PRUNE2: variants seen among roughly 807,000 people sequenced by gnomAD.
PRUNE2 encodes the protein prune homolog 2 with BCH domain.
In PRUNE2, 164 loss-of-function variants were observed where a neutral mutation model predicts 252.0. The ratio of observed to expected loss-of-function variants is 0.65; its 90% CI spans 0.57 to 0.74. The LOEUF (loss-of-function observed/expected upper bound fraction) is 0.74. Among genes scored for constraint, PRUNE2 ranks in the 30% least tolerant of loss-of-function variants. PRUNE2 has a pLI of 0.00. For missense variants in PRUNE2, 3,495 were observed against 3,711.0 expected, an observed-to-expected ratio of 0.94 and a Z score of 1.51; for synonymous variants, 1,292 against 1,350.2, an observed-to-expected ratio of 0.96 and a Z score of 0.94.
intron 9 of PRUNE2, among the ~76,000 whole-genome samples, chr9:76,677,002 T>G (rs764828987): frequency 7.9e-5 from 12 of 152,248 alleles, no homozygotes; most frequent in Non-Finnish European, 1.6e-4. Context: ...GTCCGATCTG[T>G]GCAAACAGTG....
At chr9:76,762,069 C>T (rs529502383) in intron 6 of PRUNE2, among the ~76,000 whole-genome samples, 9 of 152,312 alleles carry the variant, frequency 5.9e-5, no homozygotes, top group South Asian at 2.1e-4. Context: ...GCCTCCAATG[C>T]ATCTGGTGCC....
intron 4 of PRUNE2, among the ~76,000 whole-genome samples, chr9:76,832,188 G>A (rs994938725): frequency 4.6e-5 from 7 of 151,986 alleles, no homozygotes; most frequent in African/African-American, 1.2e-4. Flanking sequence ...CACATCTCTC[G>A]CAGCAACTCT....
chr9:76,754,455 T>C (rs1203678132), intron 6 of PRUNE2, among the ~76,000 whole-genome samples: 1 of 152,212 alleles, frequency 6.6e-6, no homozygotes, highest in African/African-American at 2.4e-5. Context: ...TCCCTTTTTA[T>C]ATGGGCACGC....
Position 76,850,684 on chromosome 9 carries a change from A to C in PRUNE2, c.142-19T>G. ...GACTGACCTACCAAGAAAAAAGTTG[A>C]CTGAATTACTGAAAATAGCAGGAGG... On this transcript the variant is annotated intron_variant, in intron 2 of 18. Transcript: ENST00000376718. The C allele has an allele frequency of 6.5e-7, 1 of 1,539,136 alleles. No homozygotes were observed. Among genetic ancestry groups the C allele is most frequent in the Non-Finnish European group, 9.0e-7 (1 of 1,113,810 alleles).
At chr9:76,845,104 G>A (rs2059606226) in intron 4 of PRUNE2, among the ~76,000 whole-genome samples, 1 of 146,624 alleles carries the variant, frequency 6.8e-6, no homozygotes, top group South Asian at 2.2e-4. Context: ...CTAAAACCAA[G>A]ATAATTAACA....
intron 6 of PRUNE2, among the ~76,000 whole-genome samples, chr9:76,773,658 G>A (rs1416292734): frequency 6.6e-6 from 1 of 152,066 alleles, no homozygotes; most frequent in Non-Finnish European, 1.5e-5. Context: ...TGGCCAGGCT[G>A]GTCTCGAACT....
At chr9:76,622,187 A>G (rs1402463899) in intron 17 of PRUNE2, among the ~76,000 whole-genome samples, 1 of 152,200 alleles carries the variant, frequency 6.6e-6, no homozygotes, top group Admixed American at 6.5e-5. Context: ...AGCATCTACT[A>G]TGTACCAGGC....
At chr9:76,721,147 A>T (rs534636405) in intron 6 of PRUNE2, among the ~76,000 whole-genome samples, 1 of 152,340 alleles carries the variant, frequency 6.6e-6, no homozygotes, top group African/African-American at 2.4e-5. Context: ...TGTTTATCTC[A>T]TTATCAAATT....
intron 1 of PRUNE2, among the ~76,000 whole-genome samples, chr9:76,877,687 A>C (rs550321952): frequency 1.6e-4 from 25 of 152,354 alleles, no homozygotes; most frequent in Middle Eastern, 3.4e-3. Context: ...GAGACATTAG[A>C]GTACAGTAAT....
At chr9:76,659,419 T>C (rs1287691082) in intron 9 of PRUNE2, among the ~76,000 whole-genome samples, 1 of 152,226 alleles carries the variant, frequency 6.6e-6, no homozygotes, top group African/African-American at 2.4e-5. Flanking sequence ...ACTGAATGCT[T>C]TTAAATATTC....
At chr9:76,647,687 A>G (rs1280373558) in intron 11 of PRUNE2, among the ~76,000 whole-genome samples, 1 of 152,182 alleles carries the variant, frequency 6.6e-6, no homozygotes, top group African/African-American at 2.4e-5. Context: ...CAATAAGGCC[A>G]GGTGCAGTGG....
chr9:76,729,264 G>A (rs1564166992), intron 6 of PRUNE2, among the ~76,000 whole-genome samples: 1 of 152,132 alleles, frequency 6.6e-6, no homozygotes, highest in Admixed American at 6.6e-5. Context: ...CACCTACAGG[G>A]CTTCTAAAAA....
At chr9:76,798,517 T>G (rs1360726279) in intron 6 of PRUNE2, among the ~76,000 whole-genome samples, 1 of 152,234 alleles carries the variant, frequency 6.6e-6, no homozygotes, top group Non-Finnish European at 1.5e-5. Flanking sequence ...TACAACATTT[T>G]GTTTAACCGT....
chr9:76,838,897 C>A (rs980685875), intron 4 of PRUNE2, among the ~76,000 whole-genome samples: 1 of 152,084 alleles, frequency 6.6e-6, no homozygotes, highest in Non-Finnish European at 1.5e-5. Context: ...GTTTACATGT[C>A]CTTTTATACA....
At chr9:76,701,568 C>T (rs531130336) in intron 9 of PRUNE2, among the ~76,000 whole-genome samples, 2 of 152,234 alleles carry the variant, frequency 1.3e-5, no homozygotes, top group East Asian at 3.9e-4. Flanking sequence ...GCCAGCAGGG[C>T]TGCTGGGATC....
chr9:76,771,979 C>G (rs1036458852), intron 6 of PRUNE2, among the ~76,000 whole-genome samples: 1 of 152,202 alleles, frequency 6.6e-6, no homozygotes, highest in African/African-American at 2.4e-5. Context: ...ATGCCAAACA[C>G]AAATCTGCAC....
rs770584855 is a variant in PRUNE2 at position 76,705,208 on chromosome 9, C to T, written c.7066G>A (p.Val2356Ile). 146 of 1,613,916 alleles carry T rather than the reference C, an allele frequency of 9.0e-5. No homozygotes were observed. The highest frequency in any genetic ancestry group is 1.2e-4 in the Non-Finnish European group (142 of 1,179,894). The change falls in exon 8 of 19, where the codon GTA becomes ATA. Residue 2356 changes from valine to isoleucine, a missense_variant. Physicochemically the swap from Val to Ile is conservative, Grantham distance 29 (BLOSUM62 3). Coordinates refer to ENST00000376718, the MANE Select transcript of PRUNE2 (RefSeq NM_015225.3). ...TCTTCATCGATATTCTGGCCCATTACATCATATTCAAAATCACCCCACGAG... is the reference window on the plus strand; with the variant it reads ...TCTTCATCGATATTCTGGCCCATTATATCATATTCAAAATCACCCCACGAG... ...EASWGDFEYD[V>I]MGQNIDEDLL...
rs750981306 is a variant in PRUNE2 at position 76,708,997 on chromosome 9, G to A, written c.3277C>T (p.Arg1093Ter). The A allele has an allele frequency of 1.1e-5, 17 of 1,613,824 alleles. No homozygotes were observed. The highest frequency in any genetic ancestry group is 8.8e-5 in the South Asian group (8 of 91,076). ...CTGCTGTGCAAAAGTGTGAGTTGTC[G>A]GTTTGTTTCATTGTACAGTTGCATC... Reference protein sequence around the residue: ...SMMQLYNETNRQLTLLHSSTN... With the variant: ...SMMQLYNETN Residue 1093 changes from arginine to a stop codon, truncating the protein, a stop_gained, in exon 8 of 19, where the codon CGA becomes TGA. Transcript: ENST00000376718. LOFTEE classifies it high-confidence loss of function.
At position 76,658,960 on chromosome 9, in the gene PRUNE2, T is replaced by G. The variant is rs1850263539; in HGVS notation, c.8277-3458A>C. 2.0e-5 allele frequency among the ~76,000 whole-genome samples: 3 copies of G among 152,210 alleles called. No individual in the cohort carries two copies. In the South Asian group the frequency reaches 6.2e-4, roughly 31 times the overall value. ...TTTGAAGTTAGGGTAGCCACATGAC[T>G]TGCTTTGGCTAATGAAGAAAGAGTG... On this transcript the variant is annotated intron_variant, in intron 9 of 18. Transcript: ENST00000376718.
Sources: allele counts gnomAD v4.1 joint callset (sites outside exome capture counted in the v4.1 genomes callset), GRCh38; gene constraint gnomAD v4.1.1; transcripts MANE v1.5; gene names NCBI Gene and HGNC (gene_info 2026-07-23, HGNC 2026-07-21).